Variants in RBFOX1 observed in about 807,000 individuals in gnomAD.
The protein encoded by RBFOX1 is RNA binding fox-1 homolog 1.
RBFOX1 carries 8 observed loss-of-function variants against 57.7 expected under a neutral mutation model. The observed-to-expected ratio is 0.14, with a 90% confidence interval of 0.08 to 0.25. The LOEUF is 0.25. RBFOX1 is among the 10% of genes least tolerant of loss of function. RBFOX1 has a pLI of 1.00. For missense variants in RBFOX1, 611 were observed against 548.5 expected, an observed-to-expected ratio of 1.11 and a Z score of -1.14; for synonymous variants, 326 against 222.4, an observed-to-expected ratio of 1.47 and a Z score of -4.15.
intron 1 of RBFOX1, chr16:5,366,431 CA>C (rs2065717548): frequency 2.3e-6 from 1 of 444,218 alleles, no homozygotes; most frequent in East Asian, 5.8e-5. Flanking sequence ...CAAGTCAAAT[CA>C]AAATGAAAAG....
intron 4 of RBFOX1, among the ~76,000 whole-genome samples, chr16:5,952,845 T>G (rs1014475948): frequency 2.6e-5 from 4 of 152,198 alleles, no homozygotes; most frequent in African/African-American, 9.6e-5. Flanking sequence ...AACCCGAGAC[T>G]TGGTAAAAAT....
chr16:6,905,749 G>A (rs1161926667), intron 3 of RBFOX1, among the ~76,000 whole-genome samples: 1 of 152,182 alleles, frequency 6.6e-6, no homozygotes, highest in African/African-American at 2.4e-5. Flanking sequence ...AAGTTTGCAT[G>A]CCATGGATGG....
At chr16:6,736,713 T>C (rs974551710) in intron 3 of RBFOX1, among the ~76,000 whole-genome samples, 1 of 152,224 alleles carries the variant, frequency 6.6e-6, no homozygotes, top group African/African-American at 2.4e-5. Context: ...GTTCTACTTT[T>C]AGTTCCTTAA....
chr16:7,500,360 T>A (rs554086542), intron 4 of RBFOX1, among the ~76,000 whole-genome samples: 2 of 152,338 alleles, frequency 1.3e-5, no homozygotes, highest in African/African-American at 4.8e-5. Context: ...TGGGTTGTAC[T>A]GAATTTGTAA....
At chr16:7,710,574 T>G in intron 15 of RBFOX1, 49 bp from the exon 16 acceptor site, 2 of 1,608,006 alleles carry the variant, frequency 1.2e-6, no homozygotes, top group Non-Finnish European at 1.7e-6. Flanking sequence ...ATCCACATGT[T>G]GCAAAAGGAA....
At chr16:6,883,786 G>A (rs552540640) in intron 3 of RBFOX1, among the ~76,000 whole-genome samples, 11 of 152,100 alleles carry the variant, frequency 7.2e-5, no homozygotes, top group African/African-American at 2.4e-4. Flanking sequence ...ACATGGGTTA[G>A]TGAAGAGGTT....
intron 3 of RBFOX1, among the ~76,000 whole-genome samples, chr16:6,914,492 C>T (rs968775656): frequency 1.3e-5 from 2 of 152,072 alleles, no homozygotes; most frequent in Admixed American, 6.6e-5. Context: ...CCTCCACCTC[C>T]TACCTGAGCC....
intron 3 of RBFOX1, among the ~76,000 whole-genome samples, chr16:6,942,950 T>C (rs1440265257): frequency 1.3e-5 from 2 of 152,180 alleles, no homozygotes; most frequent in African/African-American, 4.8e-5. Context: ...GACATCACCA[T>C]GTGCTTTTGT....
At chr16:6,766,533 C>G (rs1181043782) in intron 3 of RBFOX1, among the ~76,000 whole-genome samples, 3 of 151,852 alleles carry the variant, frequency 2.0e-5, no homozygotes, top group African/African-American at 7.3e-5. Flanking sequence ...TCCAATAGAA[C>G]TTTCTGCAAT....
chr16:6,813,327 T>A (rs1296783550), intron 3 of RBFOX1, among the ~76,000 whole-genome samples: 1 of 152,204 alleles, frequency 6.6e-6, no homozygotes, highest in East Asian at 1.9e-4. Flanking sequence ...TAGCCTCCAG[T>A]TGACCACATT....
chr16:5,938,907 A>G (rs1209588273), intron 4 of RBFOX1, among the ~76,000 whole-genome samples: 3 of 152,194 alleles, frequency 2.0e-5, no homozygotes, highest in African/African-American at 2.4e-5. Flanking sequence ...TGGGATGGCT[A>G]TTATGTTAAA....
chr16:6,052,804 T>TATAATAATA (rs200513769), intron 1 of RBFOX1, among the ~76,000 whole-genome samples: 24,357 of 144,074 alleles, frequency 0.17, 2,590 homozygotes, highest in African/African-American at 0.3. Context: ...TAAAATAAAA[T>TATAATAATA]ATAATAATAA....
intron 1 of RBFOX1, among the ~76,000 whole-genome samples, chr16:5,339,470 G>GTGTTTTTT (rs2064982294): frequency 1.7e-4 from 7 of 40,854 alleles, no homozygotes; most frequent in Non-Finnish European, 2.7e-4. Flanking sequence ...CTTTTTCCGT[G>GTGTTTTTT]TTTTTTTTTT....
At chr16:7,610,146 G>GTTT (rs2057185345) in intron 10 of RBFOX1, among the ~76,000 whole-genome samples, 13 of 49,358 alleles carry the variant, frequency 2.6e-4, no homozygotes, top group South Asian at 5.3e-4. Context: ...TTTTGAGGCA[G>GTTT]TTTTGCTCTG....
intron 1 of RBFOX1, among the ~76,000 whole-genome samples, chr16:6,292,530 GC>G (rs1390310548): frequency 6.6e-6 from 1 of 151,992 alleles, no homozygotes; most frequent in Non-Finnish European, 1.5e-5. Flanking sequence ...CTTCTTATTG[GC>G]TTTTTGTCTT....
intron 3 of RBFOX1, among the ~76,000 whole-genome samples, chr16:5,694,541 A>G (rs1018533169): frequency 2.0e-5 from 3 of 152,114 alleles, no homozygotes; most frequent in African/African-American, 7.2e-5. Context: ...GCTTAATGGT[A>G]CCCAGCACTG....
At position 6,774,563 on chromosome 16, in the gene RBFOX1, G is replaced by C. The variant is rs75837026; in HGVS notation, c.-16+119913G>C. Among the ~76,000 whole-genome samples the C allele has an allele frequency of 2.3e-3, 346 of 152,232 alleles. 2 individuals carry two copies. The highest frequency in any genetic ancestry group is 7.6e-3 in the African/African-American group (314 of 41,544). On this transcript the variant is annotated intron_variant, in intron 3 of 15. Transcript: ENST00000550418. Reference sequence around the variant, plus strand: ...ATATTTAAGGGAAGAAGCAGCTAATGATAATTTACTGATTGTTACAAACAA... The same window carrying C: ...ATATTTAAGGGAAGAAGCAGCTAATCATAATTTACTGATTGTTACAAACAA...
intron 3 of RBFOX1, among the ~76,000 whole-genome samples, chr16:6,675,269 T>A (rs1393790635): frequency 6.6e-6 from 1 of 152,192 alleles, no homozygotes; most frequent in Admixed American, 6.5e-5. Context: ...GGAACTAACA[T>A]ATTTCCATGT....
chr16:6,634,769 T>C (rs924633021), intron 2 of RBFOX1, among the ~76,000 whole-genome samples: 1 of 96,136 alleles, frequency 1.0e-5, no homozygotes, highest in African/African-American at 3.2e-5. Flanking sequence ...CATATATTTG[T>C]ACTAAATATA....
Sources: allele counts gnomAD v4.1 joint callset (sites outside exome capture counted in the v4.1 genomes callset), GRCh38; gene constraint gnomAD v4.1.1; transcripts MANE v1.5; gene names NCBI Gene and HGNC (gene_info 2026-07-23, HGNC 2026-07-21).